The following CAST variants were observed in gnomAD, a reference collection of about 807,000 sequenced individuals.
CAST encodes the protein calpastatin.
A neutral mutation model predicts 119.6 loss-of-function variants in CAST; 76 were observed. The observed-to-expected ratio is 0.64, with a 90% CI of 0.53 to 0.77. The LOEUF (loss-of-function observed/expected upper bound fraction) is 0.77. Ranked by LOEUF, CAST falls within the 30% of genes least tolerant of loss-of-function variation. CAST has a pLI of 0.00. For missense variants in CAST, 953 were observed against 946.5 expected (o/e 1.01, Z -0.09); for synonymous variants, 319 against 331.6 (o/e 0.96, Z 0.41).
rs775627348 is a variant in CAST at position 96,534,755 on chromosome 5, AAG to A, written c.60+4877_60+4878del. Among the ~76,000 whole-genome samples the A allele has an allele frequency of 5.9e-4, 23 of 39,208 alleles. 2 individuals carry two copies. The highest frequency in any genetic ancestry group is 2.0e-3 in the African/African-American group (21 of 10,538). 25.7% of individuals were successfully genotyped at this position (39,208 alleles called of 152,430 possible). A position where few individuals can be genotyped will look rare whatever the true frequency, so the allele number is the denominator to read the frequency against. On this transcript the variant is annotated intron_variant, in intron 1 of 11. Coordinates refer to the CAST transcript ENST00000505143. ...AGAGAGAGAGAGAAAGAAAGAAAGA[AAG>A]AAAGAAAGAAAGAAAGAAAGAAAGA...
chr5:96,011,061 ACTT>A, the CAST span, among the ~76,000 whole-genome samples: 5 of 152,294 alleles, frequency 3.3e-5, no homozygotes, highest in Non-Finnish European at 4.4e-5. Flanking sequence ...AGATAGTTTA[ACTT>A]CTTCTTTGCC....
In CAST at chr5:96,578,430, A is replaced by G. The variant is rs1426189183; in HGVS notation, c.60+48550A>G. Among the ~76,000 whole-genome samples, 3 of 151,902 alleles carry G rather than the reference A, an allele frequency of 2.0e-5. No homozygotes were observed. The East Asian group carries it at 5.8e-4, about 30-fold the overall frequency. ...CACCTTTTGATTGGTATATTTAGAC[A>G]ATGTACATTTAGGGCACTTAGGGCT... On this transcript the variant is annotated intron_variant, in intron 1 of 11. Coordinates refer to the CAST transcript ENST00000505143.
chr5:96,078,809 A>G, the CAST span, among the ~76,000 whole-genome samples: 2 of 152,158 alleles, frequency 1.3e-5, no homozygotes, highest in African/African-American at 4.8e-5. Flanking sequence ...GCTGGAAACC[A>G]TTATCCTTAA....
the CAST span, among the ~76,000 whole-genome samples, chr5:96,460,210 G>A: frequency 6.6e-6 from 1 of 152,102 alleles, no homozygotes. Flanking sequence ...GGGTTTTCAT[G>A]ACATAACCCA....
At chr5:96,735,262 C>T (rs1398770219) in intron 9 of CAST, among the ~76,000 whole-genome samples, 1 of 152,216 alleles carries the variant, frequency 6.6e-6, no homozygotes, top group Non-Finnish European at 1.5e-5. Context: ...CTTGCTAAAG[C>T]CTCAAGCAGC....
At chr5:96,498,681 CTT>C in the CAST span, among the ~76,000 whole-genome samples, 1 of 152,146 alleles carries the variant, frequency 6.6e-6, no homozygotes. Context: ...AAATAATTAT[CTT>C]GTTAACTAGT....
the CAST span, among the ~76,000 whole-genome samples, chr5:96,333,653 A>G: frequency 6.6e-6 from 1 of 152,076 alleles, no homozygotes; most frequent in African/African-American, 2.4e-5. Context: ...TGGACTGCTC[A>G]AGCTTCTGTG....
the CAST span, among the ~76,000 whole-genome samples, chr5:96,488,026 T>A: frequency 6.6e-6 from 1 of 152,182 alleles, no homozygotes; most frequent in South Asian, 2.1e-4. Context: ...TGTGACTAAC[T>A]CATAAAATTT....
the CAST span, among the ~76,000 whole-genome samples, chr5:96,098,753 G>C: frequency 1.3e-5 from 2 of 152,176 alleles, no homozygotes; most frequent in African/African-American, 4.8e-5. Context: ...AAGTTGGGTA[G>C]TGTGATGCCT....
upstream of CAST, among the ~76,000 whole-genome samples, chr5:96,660,197 C>A (rs1748238704): frequency 6.6e-6 from 1 of 152,146 alleles, no homozygotes; most frequent in Admixed American, 6.5e-5. Flanking sequence ...GTGCCCCCAC[C>A]CCTTCTCCTT....
At chr5:96,738,786 T>A (rs1228795061) in intron 11 of CAST, among the ~76,000 whole-genome samples, 1 of 151,718 alleles carries the variant, frequency 6.6e-6, no homozygotes, top group Non-Finnish European at 1.5e-5. Context: ...TACAAAAAAA[T>A]TAGTCAGGAA....
At chr5:96,225,108 A>G in the CAST span, among the ~76,000 whole-genome samples, 7 of 152,056 alleles carry the variant, frequency 4.6e-5, no homozygotes, top group Non-Finnish European at 7.4e-5. Flanking sequence ...TAAAATCAAT[A>G]TCACATATGT....
At chr5:96,662,768 G>T (rs73774357) in intron 1 of CAST, among the ~76,000 whole-genome samples, 1 of 152,190 alleles carries the variant, frequency 6.6e-6, no homozygotes, top group African/African-American at 2.4e-5. Context: ...GGTAAGACGT[G>T]GGTGAATGAG....
the CAST span, among the ~76,000 whole-genome samples, chr5:95,997,190 T>A: frequency 1.3e-5 from 2 of 152,148 alleles, no homozygotes; most frequent in Non-Finnish European, 2.9e-5. Flanking sequence ...ACACTGTATA[T>A]TGATTTTTGA....
the CAST span, among the ~76,000 whole-genome samples, chr5:96,100,110 T>A: frequency 6.6e-6 from 1 of 152,214 alleles, no homozygotes; most frequent in South Asian, 2.1e-4. Context: ...CCTGGGCTAG[T>A]GGAATGTGTG....
chr5:96,153,180 G>T, the CAST span, among the ~76,000 whole-genome samples: 2 of 152,150 alleles, frequency 1.3e-5, no homozygotes, highest in Non-Finnish European at 2.9e-5. Flanking sequence ...AGTAGAAAGA[G>T]CATAAGCATT....
the CAST span, among the ~76,000 whole-genome samples, chr5:95,993,939 A>T: frequency 2.6e-5 from 4 of 152,202 alleles, no homozygotes; most frequent in African/African-American, 9.6e-5. Context: ...AAATTAATTT[A>T]AATTTAAATT....
At chr5:96,412,615 G>A in the CAST span, 2 of 849,188 alleles carry the variant, frequency 2.4e-6, no homozygotes, top group African/African-American at 1.7e-5. Context: ...GTAACTACTA[G>A]ATAGATGTCC....
At chr5:96,563,475 A>G (rs529110757) in intron 1 of CAST, among the ~76,000 whole-genome samples, 10 of 152,274 alleles carry the variant, frequency 6.6e-5, no homozygotes, top group African/African-American at 2.4e-4. Flanking sequence ...ATATATATCT[A>G]TATAAGATAT....
Sources: gnomAD v4.1 joint callset for allele counts (sites outside exome capture counted in the v4.1 genomes callset) on GRCh38, gnomAD v4.1.1 for gene constraint, MANE v1.5 for transcripts, NCBI Gene and HGNC (gene_info 2026-07-23, HGNC 2026-07-21) for gene names.